TMC2: variants seen among roughly 807,000 people sequenced by gnomAD.
The protein encoded by TMC2 is transmembrane channel-like protein 2.
TMC2 carries 102 observed loss-of-function variants against 105.9 expected under a neutral mutation model. That is an observed-to-expected ratio of 0.96 (90% CI 0.82 to 1.14). The LOEUF is 1.14. TMC2 is among the 50% of genes most tolerant of loss of function. The pLI is 0.00. For missense variants in TMC2, 1,093 were observed against 1,134.3 expected (o/e 0.96, Z 0.52); for synonymous variants, 402 against 422.8 (o/e 0.95, Z 0.60).
intron 19 of TMC2, among the ~76,000 whole-genome samples, chr20:2,639,445 T>C (rs1244973014): frequency 6.6e-6 from 1 of 152,254 alleles, no homozygotes; most frequent in Non-Finnish European, 1.5e-5. Flanking sequence ...TTCCAACTGT[T>C]TATAAAGTAT....
chr20:2,615,576 G>T (rs2086474549), intron 14 of TMC2, among the ~76,000 whole-genome samples: 1 of 152,204 alleles, frequency 6.6e-6, no homozygotes, highest in Non-Finnish European at 1.5e-5. Flanking sequence ...CACGAAAACT[G>T]CAAATGAGGT....
At chr20:2,566,954 A>G (rs1028038859) in intron 4 of TMC2, among the ~76,000 whole-genome samples, 2 of 152,228 alleles carry the variant, frequency 1.3e-5, no homozygotes, top group Non-Finnish European at 2.9e-5. Flanking sequence ...CTCCAGCCAA[A>G]TACCACAGAC....
Position 2,545,957 on chromosome 20 carries a change from A to C in TMC2, c.82+8641A>C, listed in dbSNP as rs534699014. On this transcript the variant is annotated intron_variant, in intron 2 of 19. Transcript: ENST00000358864. ...AGAAAGAAAAGAAAGGGAGGAAAAA[A>C]TAAAACTAATGTCTTACTTGTAAGA... 1.4e-3 allele frequency among the ~76,000 whole-genome samples: 216 copies of C among 152,216 alleles called. 1 individual carries two copies. The highest frequency in any genetic ancestry group is 5.0e-3 in the African/African-American group (208 of 41,466).
rs2086483379 is a variant in TMC2 at position 2,616,536 on chromosome 20, A to G, written c.1940+332A>G. On this transcript the variant is annotated intron_variant, in intron 15 of 19. Coordinates refer to ENST00000358864, the MANE Select transcript of TMC2 (RefSeq NM_080751.3). This position sits in a 1 kb window ranked among gnomAD's most constrained non-coding sequence, Gnocchi z 4.8. ...GAAAGGGAAAAGGAAGGAGTAAAGA[A>G]GAGGAGGAAAAGAGGAGGAAAGGAA... Among the ~76,000 whole-genome samples, 1 of 102,706 alleles carries G rather than the reference A, an allele frequency of 9.7e-6. No individual in the cohort carries two copies. 67.4% of individuals were successfully genotyped at this position (102,706 alleles called of 152,430 possible).
chr20:2,620,758 G>C (rs533103705), intron 16 of TMC2, among the ~76,000 whole-genome samples: 47 of 152,154 alleles, frequency 3.1e-4, no homozygotes, highest in Non-Finnish European at 4.7e-4. Context: ...TCCAAGGGCA[G>C]AACTGTGAAC....
chr20:2,617,433 G>A lies in TMC2; in HGVS notation c.2180+122G>A, dbSNP rs537510021. Reference sequence around the variant, plus strand: ...TGTAAAAGGCCATGGAACTTTGGGTGAATCACCGATGCCATTTAAGAGGGT... The same window carrying A: ...TGTAAAAGGCCATGGAACTTTGGGTAAATCACCGATGCCATTTAAGAGGGT... On this transcript the variant is annotated intron_variant, in intron 16 of 19. Transcript: ENST00000358864. 1.8e-5 allele frequency: 24 copies of A among 1,297,824 alleles called. No individual in the cohort carries two copies. In the East Asian group the frequency reaches 5.2e-4, roughly 28 times the overall value. 80.4% of individuals were successfully genotyped at this position (1,297,824 alleles called of 1,614,324 possible).
intron 10 of TMC2, among the ~76,000 whole-genome samples, chr20:2,599,519 T>G (rs1422304230): frequency 2.7e-5 from 4 of 147,638 alleles, no homozygotes; most frequent in East Asian, 3.9e-4. Context: ...AAGTTCTTCG[T>G]TTTTTTTTTC....
At chr20:2,564,669 CCCTGAGGGCT>C (rs931182860) in intron 4 of TMC2, among the ~76,000 whole-genome samples, 2 of 152,192 alleles carry the variant, frequency 1.3e-5, no homozygotes, top group Non-Finnish European at 2.9e-5. Context: ...CCGTGACAAT[CCCTGAGGGCT>C]CCTCAGCTGC....
intron 19 of TMC2, among the ~76,000 whole-genome samples, chr20:2,639,042 CCCA>C (rs1435757882): frequency 1.3e-5 from 2 of 152,044 alleles, no homozygotes; most frequent in Non-Finnish European, 2.9e-5. Context: ...ATTACAGGTG[CCCA>C]CCACCATGCC....
chr20:2,592,411 AC>A lies in TMC2; in HGVS notation c.933+4del, dbSNP rs373534707. The A allele has an allele frequency of 3.0e-5, 47 of 1,590,378 alleles. No homozygotes were observed. The Middle Eastern group carries it at 1.5e-3, about 51-fold the overall frequency. Reference sequence around the variant, plus strand: ...TTTCTGTCCTTTGGGATTTTGAGGTACTATTGTCAACATGCCAATGAACTTC... The same window carrying A: ...TTTCTGTCCTTTGGGATTTTGAGGTATATTGTCAACATGCCAATGAACTTC... On this transcript the variant is annotated splice_donor_region_variant and intron_variant, in intron 8 of 19. Coordinates refer to ENST00000358864, the MANE Select transcript of TMC2 (RefSeq NM_080751.3). The surrounding 1 kb of genome is among the most constrained non-coding windows in gnomAD (Gnocchi z 4.9).
At chr20:2,620,504 A>G (rs573180158) in intron 16 of TMC2, among the ~76,000 whole-genome samples, 1 of 152,350 alleles carries the variant, frequency 6.6e-6, no homozygotes, top group East Asian at 1.9e-4. Flanking sequence ...TCCAGAAAAG[A>G]TCATGTGGGA....
chr20:2,592,455 G>A lies in TMC2; in HGVS notation c.933+47G>A. ...TGAACTTCCATTTGTGATTATAAAG[G>A]CTAAAGATTGCATGGATAAGTATGA... On this transcript the variant is annotated intron_variant, in intron 8 of 19. Transcript: ENST00000358864. The surrounding 1 kb of genome is among the most constrained non-coding windows in gnomAD (Gnocchi z 4.9). The A allele has an allele frequency of 8.0e-7, 1 of 1,247,254 alleles. No homozygotes were observed. Among genetic ancestry groups the A allele is most frequent in the South Asian group, 1.2e-5 (1 of 83,706 alleles). 77.3% of individuals were successfully genotyped at this position (1,247,254 alleles called of 1,614,324 possible).
At chr20:2,573,010 ACTC>A (rs879598742) in intron 5 of TMC2, among the ~76,000 whole-genome samples, 41 of 150,134 alleles carry the variant, frequency 2.7e-4, no homozygotes, top group Admixed American at 4.6e-4. Flanking sequence ...GCAGCCTTGA[ACTC>A]CTTGGCTCAA....
chr20:2,561,821 C>T (rs745982048), intron 3 of TMC2, 37 bp from the exon 4 acceptor site: 1 of 1,595,926 alleles, frequency 6.3e-7, no homozygotes, highest in South Asian at 1.1e-5. Context: ...ACCTCCTTTC[C>T]AACTTCCCTC....
In TMC2 at chr20:2,637,587, G is replaced by A; in HGVS notation, c.2499G>A (p.Lys833=). The change falls in exon 19 of 20, where the codon AAG becomes AAA. Residue 833 remains lysine, a synonymous_variant. Transcript: ENST00000358864. ...ATGCCACCCAGCTCCAACTCACCAA[G>A]GAAGGTAAGCTCTTTGTCATAATGA... ...SKNATQLQLT[K]EETTPPSASQ... 2 of 1,606,922 alleles carry A rather than the reference G, an allele frequency of 1.2e-6. No homozygotes were observed. The highest frequency in any genetic ancestry group is 2.2e-5 in the East Asian group (1 of 44,838).
chr20:2,627,511 A>T (rs11087524), intron 17 of TMC2, among the ~76,000 whole-genome samples: 2,468 of 152,288 alleles, frequency 0.016, 77 homozygotes, highest in African/African-American at 0.055. Flanking sequence ...ATTAACTCTG[A>T]CCTGCATCTT....
chr20:2,603,282 AAG>A (rs1421569015), intron 11 of TMC2, among the ~76,000 whole-genome samples: 3 of 151,790 alleles, frequency 2.0e-5, no homozygotes, highest in East Asian at 1.9e-4. Flanking sequence ...AATAATAAGA[AAG>A]AGTTTATCTT....
chr20:2,543,023 G>A (rs1348131236), intron 2 of TMC2, among the ~76,000 whole-genome samples: 1 of 151,974 alleles, frequency 6.6e-6, no homozygotes, highest in African/African-American at 2.4e-5. Flanking sequence ...AATCACTTGA[G>A]GTCAGGAGTT....
At chr20:2,596,923 C>T (rs534656844) in intron 9 of TMC2, among the ~76,000 whole-genome samples, 43 of 152,064 alleles carry the variant, frequency 2.8e-4, no homozygotes, top group Non-Finnish European at 4.6e-4. Context: ...TTTTTATTAC[C>T]TCATTGATAC....
Sources: allele counts gnomAD v4.1 joint callset (sites outside exome capture counted in the v4.1 genomes callset), GRCh38; gene constraint gnomAD v4.1.1; non-coding constraint Gnocchi (gnomAD v3.1); transcripts MANE v1.5; gene names NCBI Gene and HGNC (gene_info 2026-07-23, HGNC 2026-07-21).